SHISA9: variants seen among roughly 807,000 people sequenced by gnomAD.
The protein encoded by SHISA9 is shisa family member 9.
A neutral mutation model predicts 38.0 loss-of-function variants in SHISA9; 13 were observed. The observed-to-expected ratio is 0.34, with a 90% CI of 0.22 to 0.54. The LOEUF is 0.54. Ranked by LOEUF, SHISA9 falls within the 20% of genes least tolerant of loss-of-function variation. The probability of loss-of-function intolerance (pLI) is 0.91; values close to 1 mark genes in which losing one functional copy is unlikely to be tolerated. For missense variants in SHISA9, 538 were observed against 575.8 expected (o/e 0.93, Z 0.67); for synonymous variants, 275 against 242.0 (o/e 1.14, Z -1.27).
the SHISA9 span, among the ~76,000 whole-genome samples, chr16:13,491,029 T>C: frequency 5.3e-5 from 8 of 152,214 alleles, no homozygotes; most frequent in African/African-American, 1.4e-4. Flanking sequence ...TAAGCACTTA[T>C]AATACACCCA....
At chr16:13,454,428 C>G in the SHISA9 span, among the ~76,000 whole-genome samples, 1 of 152,184 alleles carries the variant, frequency 6.6e-6, no homozygotes, top group East Asian at 1.9e-4. Flanking sequence ...CTCTTGTCAA[C>G]GTATTAAATA....
the SHISA9 span, among the ~76,000 whole-genome samples, chr16:13,267,010 T>C: frequency 1.3e-5 from 2 of 152,138 alleles, no homozygotes; most frequent in East Asian, 1.9e-4. Flanking sequence ...CAAAATAAAA[T>C]TGAAGATTTA....
At chr16:12,980,811 T>G (rs2072230829) in intron 2 of SHISA9, among the ~76,000 whole-genome samples, 1 of 152,146 alleles carries the variant, frequency 6.6e-6, no homozygotes, top group Non-Finnish European at 1.5e-5. Context: ...ATTAATTCAT[T>G]CTTTAGCTGT....
the SHISA9 span, among the ~76,000 whole-genome samples, chr16:13,525,859 T>C: frequency 6.6e-6 from 1 of 152,362 alleles, no homozygotes; most frequent in South Asian, 2.1e-4. Context: ...TTGCAAAGTG[T>C]TGTACAAATT....
chr16:13,073,506 G>T (rs2073543269), intron 2 of SHISA9, among the ~76,000 whole-genome samples: 1 of 152,174 alleles, frequency 6.6e-6, no homozygotes, highest in Non-Finnish European at 1.5e-5. Flanking sequence ...GAATTTGTTA[G>T]AAATGCAAAT....
At chr16:13,026,798 G>C (rs546376780) in intron 2 of SHISA9, among the ~76,000 whole-genome samples, 1 of 152,266 alleles carries the variant, frequency 6.6e-6, no homozygotes, top group South Asian at 2.1e-4. Flanking sequence ...TGCAGATAAA[G>C]CACTTGACAT....
At chr16:13,470,024 G>C in the SHISA9 span, among the ~76,000 whole-genome samples, 325 of 152,054 alleles carry the variant, frequency 2.1e-3, 1 homozygote, top group African/African-American at 7.7e-3. Flanking sequence ...TTCTCTCTTC[G>C]TGATGGAATC....
intron 2 of SHISA9, among the ~76,000 whole-genome samples, chr16:13,116,377 C>G (rs1319356140): frequency 6.6e-6 from 1 of 152,152 alleles, no homozygotes; most frequent in African/African-American, 2.4e-5. Flanking sequence ...GTCTTTGGCT[C>G]TGAGACAGCT....
intron 2 of SHISA9, among the ~76,000 whole-genome samples, chr16:12,920,735 G>T (rs1423186063): frequency 1.3e-5 from 2 of 152,114 alleles, no homozygotes; most frequent in African/African-American, 4.8e-5. Context: ...CATCACCAAG[G>T]TACCTTTGTC....
At chr16:12,973,089 C>T (rs746818583) in intron 2 of SHISA9, among the ~76,000 whole-genome samples, 41 of 152,266 alleles carry the variant, frequency 2.7e-4, no homozygotes, top group Admixed American at 1.8e-3. Context: ...GTACTCCAGC[C>T]TGGGCAACAG....
intron 2 of SHISA9, among the ~76,000 whole-genome samples, chr16:13,133,111 A>C (rs1438651236): frequency 6.6e-6 from 1 of 152,210 alleles, no homozygotes; most frequent in African/African-American, 2.4e-5. Flanking sequence ...ATCTAGTCCA[A>C]GGAGGCCAAA....
At chr16:13,030,770 T>C (rs2072981307) in intron 2 of SHISA9, among the ~76,000 whole-genome samples, 4 of 152,188 alleles carry the variant, frequency 2.6e-5, no homozygotes, top group Non-Finnish European at 5.9e-5. Context: ...TTAACTATTC[T>C]TTAATAAATG....
At chr16:13,366,449 T>G in the SHISA9 span, among the ~76,000 whole-genome samples, 2 of 152,252 alleles carry the variant, frequency 1.3e-5, no homozygotes, top group Non-Finnish European at 2.9e-5. Flanking sequence ...AACACAGATT[T>G]GGATTCAGTA....
the SHISA9 span, among the ~76,000 whole-genome samples, chr16:13,532,223 C>G: frequency 7.2e-5 from 11 of 152,284 alleles, no homozygotes; most frequent in East Asian, 2.1e-3. Context: ...TGTTAACCCC[C>G]AAGAACAAAT....
chr16:12,929,602 A>G (rs2071437489), intron 2 of SHISA9, among the ~76,000 whole-genome samples: 1 of 151,792 alleles, frequency 6.6e-6, no homozygotes, highest in African/African-American at 2.4e-5. Flanking sequence ...GAACACATGG[A>G]CACAGGGAGG....
chr16:13,025,144 A>G (rs758216198), intron 2 of SHISA9, among the ~76,000 whole-genome samples: 1 of 152,144 alleles, frequency 6.6e-6, no homozygotes, highest in East Asian at 1.9e-4. Context: ...TTCATTTATT[A>G]TAACACTTAT....
chr16:13,377,521 C>T, the SHISA9 span, among the ~76,000 whole-genome samples: 28 of 152,274 alleles, frequency 1.8e-4, no homozygotes, highest in African/African-American at 6.3e-4. Context: ...AAAGCTAGGA[C>T]ACCTGATACC....
chr16:12,924,701 G>T (rs139312591), intron 2 of SHISA9, among the ~76,000 whole-genome samples: 2 of 152,158 alleles, frequency 1.3e-5, no homozygotes, highest in Non-Finnish European at 2.9e-5. Flanking sequence ...TTTAGATCAA[G>T]AAATTGGTTT....
At chr16:12,904,665 T>C (rs2071069479) in intron 1 of SHISA9, among the ~76,000 whole-genome samples, 1 of 152,112 alleles carries the variant, frequency 6.6e-6, no homozygotes, top group Non-Finnish European at 1.5e-5. Context: ...CAGTATACAT[T>C]TTTGAGAATT....
Sources: allele counts gnomAD v4.1 joint callset (sites outside exome capture counted in the v4.1 genomes callset), GRCh38; gene constraint gnomAD v4.1.1; transcripts MANE v1.5; gene names NCBI Gene and HGNC (gene_info 2026-07-23, HGNC 2026-07-21).